TRIO: variants seen among roughly 807,000 people sequenced by gnomAD.
TRIO encodes the protein triple functional domain protein.
TRIO carries 58 observed loss-of-function variants against 351.9 expected under a neutral mutation model. The ratio of observed to expected loss-of-function variants is 0.16; its 90% CI spans 0.13 to 0.21. The LOEUF is 0.21. Among genes scored for constraint, TRIO ranks in the 10% least tolerant of loss-of-function variants. TRIO has a pLI of 1.00. For synonymous variants in TRIO, 1,758 were observed against 1,595.7 expected (o/e 1.10, Z -2.42); for missense variants, 3,201 against 4,027.8 (o/e 0.79, Z 5.56).
intron 11 of TRIO, among the ~76,000 whole-genome samples, chr5:14,344,691 A>G (rs1742258278): frequency 6.6e-6 from 1 of 152,238 alleles, no homozygotes; most frequent in Non-Finnish European, 1.5e-5. Flanking sequence ...ATATCTAGGT[A>G]TAATGTTGTC....
intron 2 of TRIO, 34 bp from the exon 3 acceptor site, chr5:14,280,288 G>T: frequency 6.4e-7 from 1 of 1,573,234 alleles, no homozygotes; most frequent in Non-Finnish European, 8.7e-7. Flanking sequence ...GTCTTATCTT[G>T]TGTCTAAGTG....
chr5:14,359,269 T>C, intron 12 of TRIO, 88 bp from the exon 13 acceptor site: 1 of 1,503,032 alleles, frequency 6.7e-7, no homozygotes, highest in Non-Finnish European at 9.1e-7. Context: ...GCCAGCTTTC[T>C]TCCCCTGAAG....
chr5:14,285,254 C>T (rs748445481), intron 3 of TRIO, among the ~76,000 whole-genome samples: 21 of 152,234 alleles, frequency 1.4e-4, no homozygotes, highest in Non-Finnish European at 2.6e-4. Flanking sequence ...TTCATCACAT[C>T]GTTCCTAATC....
intron 8 of TRIO, among the ~76,000 whole-genome samples, chr5:14,310,152 C>G (rs763928194): frequency 1.3e-5 from 2 of 152,214 alleles, no homozygotes; most frequent in African/African-American, 2.4e-5. Context: ...GTGTAAACGT[C>G]GGAGATAAGT....
chr5:14,500,888 CAAAAA>C (rs34729667), intron 53 of TRIO, among the ~76,000 whole-genome samples: 16 of 63,570 alleles, frequency 2.5e-4, no homozygotes, highest in African/African-American at 8.4e-4. Flanking sequence ...GACTCTGCCT[CAAAAA>C]AAAAAAAAAA....
At chr5:14,144,285 C>G (rs988843817) in intron 1 of TRIO, among the ~76,000 whole-genome samples, 1 of 152,136 alleles carries the variant, frequency 6.6e-6, no homozygotes, top group Non-Finnish European at 1.5e-5. Context: ...ACCCCGGAGG[C>G]CGAGCGGACT....
intron 31 of TRIO, 117 bp downstream of exon 31, chr5:14,401,181 G>T: frequency 1.2e-6 from 1 of 810,816 alleles, no homozygotes. Flanking sequence ...GTGTGTGTGT[G>T]TTCTATTCAG....
At chr5:14,397,001 A>G in intron 28 of TRIO, 42 bp from the exon 29 acceptor site, 1 of 1,537,268 alleles carries the variant, frequency 6.5e-7, no homozygotes, top group Non-Finnish European at 8.9e-7. Context: ...TTGGCAGAGC[A>G]TTCTGCAGTC....
At position 14,155,041 on chromosome 5, in the gene TRIO, AATTGTG is replaced by A. The variant is rs1222895324; in HGVS notation, c.157+11163_157+11168del. Among the ~76,000 whole-genome samples the A allele has an allele frequency of 5.3e-5, 8 of 152,312 alleles. No homozygotes were observed. In the East Asian group the frequency reaches 1.5e-3, roughly 29 times the overall value. Reference sequence around the variant, plus strand: ...GCTCAGGTCCGAATTAACTTAGTTGAATTGTGATTTTGCTGTGTAGTTTTTGGTCAT... The same window carrying A: ...GCTCAGGTCCGAATTAACTTAGTTGAATTTTGCTGTGTAGTTTTTGGTCAT... On this transcript the variant is annotated intron_variant, in intron 1 of 56. Transcript: ENST00000344204.
intron 1 of TRIO, among the ~76,000 whole-genome samples, chr5:14,212,726 C>T (rs1791983514): frequency 6.6e-6 from 1 of 152,110 alleles, no homozygotes; most frequent in South Asian, 2.1e-4. Context: ...TACATCAGGT[C>T]TACTGATTGA....
At chr5:14,372,507 A>G (rs1745208558) in intron 18 of TRIO, among the ~76,000 whole-genome samples, 1 of 152,168 alleles carries the variant, frequency 6.6e-6, no homozygotes, top group Admixed American at 6.5e-5. Flanking sequence ...CAAAATGGTA[A>G]TACTCTAATT....
chr5:14,202,225 C>A (rs1791163404), intron 1 of TRIO, among the ~76,000 whole-genome samples: 1 of 150,674 alleles, frequency 6.6e-6, no homozygotes, highest in African/African-American at 2.4e-5. Flanking sequence ...GGACCCGTAC[C>A]AGGCTTGTCC....
At position 14,145,735 on chromosome 5, in the gene TRIO, A is replaced by G. The variant is rs140912497; in HGVS notation, c.157+1853A>G. 6.2e-3 allele frequency among the ~76,000 whole-genome samples: 948 copies of G among 152,234 alleles called. 13 individuals carry two copies. The highest frequency in any genetic ancestry group is 0.022 in the African/African-American group (913 of 41,542). On this transcript the variant is annotated intron_variant, in intron 1 of 56. Coordinates refer to ENST00000344204, the MANE Select transcript of TRIO (RefSeq NM_007118.4). ...TGAGACCAGGCTTTTTTACATCTCT[A>G]TTATGCATAGTACAAAAATCACTTC...
chr5:14,473,969 A>G lies in TRIO; in HGVS notation c.5980-25A>G, dbSNP rs369009688. On this transcript the variant is annotated intron_variant, in intron 39 of 56. Transcript: ENST00000344204. ...GATTCAGACATATTCCATGAAATAC[A>G]CTTATCATAACTGTTTAATTGTAGG... is the stretch of plus-strand genomic sequence containing the variant. The G allele has an allele frequency of 5.9e-5, 95 of 1,596,840 alleles. 1 individual carries two copies. The East Asian group carries it at 1.7e-3, about 28-fold the overall frequency.
chr5:14,479,885 C>G (rs773380644), intron 42 of TRIO, 34 bp from the exon 43 acceptor site: 17 of 1,602,612 alleles, frequency 1.1e-5, no homozygotes, highest in Non-Finnish European at 1.7e-6. Context: ...TAATGAACAG[C>G]CCATACGATC....
At chr5:14,371,036 A>C (rs191872649) in intron 18 of TRIO, among the ~76,000 whole-genome samples, 1 of 152,356 alleles carries the variant, frequency 6.6e-6, no homozygotes, top group East Asian at 1.9e-4. Flanking sequence ...AATGCTATAC[A>C]ACCATTGATT....
chr5:14,466,985 C>G (rs1338068253), intron 37 of TRIO, among the ~76,000 whole-genome samples: 1 of 152,172 alleles, frequency 6.6e-6, no homozygotes, highest in Non-Finnish European at 1.5e-5. Flanking sequence ...TTATATACTT[C>G]CCACAACAAC....
chr5:14,278,545 A>G (rs1342676003), intron 2 of TRIO, among the ~76,000 whole-genome samples: 2 of 152,208 alleles, frequency 1.3e-5, no homozygotes, highest in East Asian at 3.8e-4. Context: ...AATAATAGGT[A>G]CTGTATTTTT....
chr5:14,336,922 C>T (rs754109998), intron 11 of TRIO, among the ~76,000 whole-genome samples, 195 bp downstream of exon 11: 15 of 152,094 alleles, frequency 9.9e-5, no homozygotes, highest in East Asian at 5.8e-4. Flanking sequence ...GTTTTGTGAG[C>T]GCATGGCTGC....
Sources: allele counts gnomAD v4.1 joint callset (sites outside exome capture counted in the v4.1 genomes callset), GRCh38; gene constraint gnomAD v4.1.1; transcripts MANE v1.5; gene names NCBI Gene and HGNC (gene_info 2026-07-23, HGNC 2026-07-21).